The following JARID2 variants were observed in gnomAD, a reference collection of about 807,000 sequenced individuals.
JARID2 encodes the protein jumonji and AT-rich interaction domain containing 2.
In JARID2, 21 loss-of-function variants were observed where a neutral mutation model predicts 125.6. The ratio of observed to expected loss-of-function variants is 0.17; its 90% CI spans 0.12 to 0.24. The LOEUF (loss-of-function observed/expected upper bound fraction) is 0.24, where lower values mean the gene tolerates loss of function less well. JARID2 is among the 10% of genes least tolerant of loss of function. The pLI is 1.00. For missense variants in JARID2, 1,303 were observed against 1,639.6 expected (o/e 0.79, Z 3.55); for synonymous variants, 736 against 661.6 (o/e 1.11, Z -1.73).
chr6:15,246,261 T>G lies in JARID2; in HGVS notation c.-279T>G. The G allele has an allele frequency of 5.5e-6, 3 of 542,930 alleles. No homozygotes were observed. The highest frequency in any genetic ancestry group is 3.6e-5 in the Admixed American group (1 of 27,736). 33.6% of individuals were successfully genotyped at this position (542,930 alleles called of 1,614,324 possible). On this transcript the variant is annotated 5_prime_UTR_variant, in exon 1 of 18. Coordinates refer to ENST00000341776, the MANE Select transcript of JARID2 (RefSeq NM_004973.4). ...GCGTCGGTTTTTTTTTGTGTGTGTGTGTATGTGTTTCGGGGGAAATTTTCC... is the reference window on the plus strand; with the variant it reads ...GCGTCGGTTTTTTTTTGTGTGTGTGGGTATGTGTTTCGGGGGAAATTTTCC...
intron 1 of JARID2, among the ~76,000 whole-genome samples, chr6:15,267,374 A>C (rs747327610): frequency 6.6e-6 from 1 of 152,214 alleles, no homozygotes; most frequent in Non-Finnish European, 1.5e-5. Flanking sequence ...AAGGCATGTC[A>C]GCAACCACCA....
chr6:15,510,514 T>TA (rs1000511702), intron 12 of JARID2, among the ~76,000 whole-genome samples: 2 of 152,178 alleles, frequency 1.3e-5, no homozygotes, highest in African/African-American at 4.8e-5. Context: ...CACCTTTTCT[T>TA]ACACTTGAGG....
chr6:15,367,437 G>T (rs1425183080), intron 1 of JARID2, among the ~76,000 whole-genome samples: 1 of 151,786 alleles, frequency 6.6e-6, no homozygotes, highest in African/African-American at 2.4e-5. Flanking sequence ...ACTAATAATA[G>T]TTTTTTTTCA....
chr6:15,289,908 C>T (rs1761143039), intron 1 of JARID2, among the ~76,000 whole-genome samples: 1 of 152,060 alleles, frequency 6.6e-6, no homozygotes, highest in African/African-American at 2.4e-5. Flanking sequence ...TTGCACTTGG[C>T]AAAATTGTGG....
chr6:15,401,567 C>T (rs1036572460), intron 2 of JARID2, among the ~76,000 whole-genome samples: 1 of 152,188 alleles, frequency 6.6e-6, no homozygotes, highest in Non-Finnish European at 1.5e-5. Flanking sequence ...TCTTTTTCTT[C>T]CTCCATCATC....
chr6:15,293,422 A>C (rs936026051), intron 1 of JARID2, among the ~76,000 whole-genome samples: 9 of 152,158 alleles, frequency 5.9e-5, no homozygotes, highest in African/African-American at 2.2e-4. Context: ...CTCAACAAAA[A>C]CCCAAAAAAC....
At chr6:15,353,865 C>T (rs372255583) in intron 1 of JARID2, among the ~76,000 whole-genome samples, 21 of 152,290 alleles carry the variant, frequency 1.4e-4, no homozygotes, top group Non-Finnish European at 2.6e-4. Context: ...CATACTTCGT[C>T]AGTAGGAAAT....
At position 15,255,138 on chromosome 6, in the gene JARID2, CTTTT is replaced by C. The variant is rs753848936; in HGVS notation, c.45+8572_45+8575del. ...CATACACATTGGTAAACTAGGAATT[CTTTT>C]TTTTTTTTTTTTTTTTTGAGACGAG... On this transcript the variant is annotated intron_variant, in intron 1 of 17. Coordinates refer to ENST00000341776, the MANE Select transcript of JARID2 (RefSeq NM_004973.4). 6.1e-3 allele frequency among the ~76,000 whole-genome samples: 740 copies of C among 121,176 alleles called. 2 individuals carry two copies. Among genetic ancestry groups the C allele is most frequent in the African/African-American group, 0.021 (686 of 33,422 alleles). 79.5% of individuals were successfully genotyped at this position (121,176 alleles called of 152,430 possible).
intron 1 of JARID2, among the ~76,000 whole-genome samples, chr6:15,325,461 C>T (rs1272842820): frequency 6.6e-6 from 1 of 152,152 alleles, no homozygotes; most frequent in African/African-American, 2.4e-5. Flanking sequence ...CACAGCTTGT[C>T]CTGAATTTAG....
At chr6:15,388,165 G>A (rs1764859034) in intron 2 of JARID2, among the ~76,000 whole-genome samples, 1 of 152,048 alleles carries the variant, frequency 6.6e-6, no homozygotes, top group African/African-American at 2.4e-5. Context: ...CAGATTTATT[G>A]TAATGGACTA....
chr6:15,287,974 A>G (rs887922624), intron 1 of JARID2, among the ~76,000 whole-genome samples: 1 of 152,176 alleles, frequency 6.6e-6, no homozygotes, highest in Non-Finnish European at 1.5e-5. Context: ...GCCTTTGAAT[A>G]CTTGTATCTT....
intron 5 of JARID2, among the ~76,000 whole-genome samples, chr6:15,469,981 A>G (rs991442626): frequency 2.0e-5 from 3 of 152,050 alleles, no homozygotes; most frequent in Admixed American, 2.0e-4. Flanking sequence ...GATCAAGACC[A>G]TCCTGGCCAA....
rs9476809 is a variant in JARID2 at position 15,250,847 on chromosome 6, T to C, written c.45+4263T>C. ...GTGTTAATATATACCGTACTCCAAATGTTAAACTTTCCTCCTTCAGAACAA... is the reference window on the plus strand; with the variant it reads ...GTGTTAATATATACCGTACTCCAAACGTTAAACTTTCCTCCTTCAGAACAA... On this transcript the variant is annotated intron_variant, in intron 1 of 17. Transcript: ENST00000341776. Among the ~76,000 whole-genome samples, 244 of 152,234 alleles carry C rather than the reference T, an allele frequency of 1.6e-3. 1 individual carries two copies. Among genetic ancestry groups the C allele is most frequent in the African/African-American group, 5.8e-3 (240 of 41,542 alleles).
At chr6:15,264,936 T>C (rs1760027102) in intron 1 of JARID2, among the ~76,000 whole-genome samples, 1 of 152,168 alleles carries the variant, frequency 6.6e-6, no homozygotes, top group African/African-American at 2.4e-5. Flanking sequence ...CAAAAAAGGC[T>C]TCTGTTCAGA....
intron 2 of JARID2, among the ~76,000 whole-genome samples, chr6:15,393,829 C>G (rs189378369): frequency 6.6e-6 from 1 of 152,068 alleles, no homozygotes; most frequent in Non-Finnish European, 1.5e-5. Flanking sequence ...AATGAGGTTA[C>G]GTTAGCAGGA....
At chr6:15,353,885 T>A (rs1243660010) in intron 1 of JARID2, among the ~76,000 whole-genome samples, 1 of 152,234 alleles carries the variant, frequency 6.6e-6, no homozygotes, top group African/African-American at 2.4e-5. Context: ...TTCAAGGAAC[T>A]GATCTTTTAT....
intron 1 of JARID2, among the ~76,000 whole-genome samples, chr6:15,328,421 T>C (rs2127451830): frequency 6.6e-6 from 1 of 152,372 alleles, no homozygotes. Context: ...TGCAAGTTAC[T>C]GTGCTGCCTT....
chr6:15,280,734 T>G (rs1354434420), intron 1 of JARID2, among the ~76,000 whole-genome samples: 2 of 151,616 alleles, frequency 1.3e-5, no homozygotes, highest in Non-Finnish European at 2.9e-5. Flanking sequence ...GTTCAAGCAG[T>G]TCTCCTGCCT....
chr6:15,317,804 C>G (rs1762226721), intron 1 of JARID2, among the ~76,000 whole-genome samples: 1 of 152,180 alleles, frequency 6.6e-6, no homozygotes. Context: ...GGTGGCGTTG[C>G]ACACAGCTGG....
Sources: gnomAD v4.1 joint callset for allele counts (sites outside exome capture counted in the v4.1 genomes callset) on GRCh38, gnomAD v4.1.1 for gene constraint, MANE v1.5 for transcripts, NCBI Gene and HGNC (gene_info 2026-07-23, HGNC 2026-07-21) for gene names.